Variants in PRKCD observed in about 807,000 individuals in gnomAD.
PRKCD encodes the protein protein kinase C delta type.
PRKCD carries 20 observed loss-of-function variants against 82.2 expected under a neutral mutation model. The observed-to-expected ratio is 0.24, with a 90% confidence interval of 0.17 to 0.35. The LOEUF (loss-of-function observed/expected upper bound fraction) is 0.35. Among genes scored for constraint, PRKCD ranks in the 10% least tolerant of loss-of-function variants. PRKCD has a pLI of 1.00. For missense variants in PRKCD, 607 were observed against 899.0 expected (o/e 0.68, Z 4.15); for synonymous variants, 317 against 337.0 (o/e 0.94, Z 0.65).
At chr3:53,178,340 GCTGCC>G in intron 2 of PRKCD, 59 bp from the exon 3 acceptor site, 1 of 1,079,684 alleles carries the variant, frequency 9.3e-7, no homozygotes, top group Non-Finnish European at 1.4e-6. Context: ...GTCCCTGAGT[GCTGCC>G]CGTGACTGTT....
chr3:53,184,178 C>CA (rs1427822612), intron 9 of PRKCD, among the ~76,000 whole-genome samples: 1 of 151,216 alleles, frequency 6.6e-6, no homozygotes, highest in African/African-American at 2.4e-5. Context: ...TAAAAAAATA[C>CA]AAAAAAATTA....
At chr3:53,165,877 G>A (rs112425593) in intron 2 of PRKCD, among the ~76,000 whole-genome samples, 2,018 of 152,264 alleles carry the variant, frequency 0.013, 66 homozygotes, top group South Asian at 0.11. Context: ...GTTTTGGGGC[G>A]AGCCTTGCCT....
At chr3:53,183,617 C>T (rs782280048) in intron 9 of PRKCD, 36 bp downstream of exon 9, 3 of 1,609,252 alleles carry the variant, frequency 1.9e-6, no homozygotes, top group Admixed American at 1.7e-5. Flanking sequence ...GCAGGAGGGG[C>T]ACTCCCAGCT....
intron 2 of PRKCD, among the ~76,000 whole-genome samples, chr3:53,176,229 T>A (rs1484026814): frequency 6.6e-6 from 1 of 152,138 alleles, no homozygotes; most frequent in African/African-American, 2.4e-5. Flanking sequence ...ACACCCACTC[T>A]CACATCCACT....
At chr3:53,183,235 G>A in intron 8 of PRKCD, 29 bp downstream of exon 8, 1 of 1,610,660 alleles carries the variant, frequency 6.2e-7, no homozygotes, top group Non-Finnish European at 8.5e-7. Context: ...CAGGGCTGGG[G>A]ATCTGGGGGG....
chr3:53,183,268 G>A (rs529304295), intron 8 of PRKCD, 62 bp downstream of exon 8: 10 of 1,586,934 alleles, frequency 6.3e-6, no homozygotes, highest in Middle Eastern at 3.3e-4. Context: ...GGAGGGATTT[G>A]CACCCTCTCC....
At chr3:53,171,657 G>A (rs949751442) in intron 2 of PRKCD, among the ~76,000 whole-genome samples, 18 of 152,374 alleles carry the variant, frequency 1.2e-4, no homozygotes, top group African/African-American at 4.1e-4. Flanking sequence ...CTGAGAGGTG[G>A]GAAGGGTCCC....
At chr3:53,186,422 C>A in intron 13 of PRKCD, 82 bp downstream of exon 13, 1 of 1,561,494 alleles carries the variant, frequency 6.4e-7, no homozygotes, top group South Asian at 1.2e-5. Context: ...AGGGCTGTGT[C>A]TCCCCTTCAG....
chr3:53,185,050 G>A, intron 10 of PRKCD, 76 bp downstream of exon 10: 4 of 1,328,226 alleles, frequency 3.0e-6, no homozygotes, highest in Non-Finnish European at 4.3e-6. Flanking sequence ...CCACTGCTGG[G>A]GAGCCACAGA....
intron 1 of PRKCD, among the ~76,000 whole-genome samples, chr3:53,163,273 T>C (rs1254617002): frequency 6.6e-6 from 1 of 151,264 alleles, no homozygotes; most frequent in Non-Finnish European, 1.5e-5. Context: ...GTGACTGTGA[T>C]TGTGGGGAAC....
At position 53,185,600 on chromosome 3, in the gene PRKCD, C is replaced by T. The variant is rs1553668799; in HGVS notation, c.889-4C>T. On this transcript the variant is annotated splice_region_variant and splice_polypyrimidine_tract_variant and intron_variant, in intron 10 of 18. Transcript: ENST00000330452. ...CTGGCCCCCCACCTCTGCTCCCTCCCCAGAGAGCCTCCCGGAGATCAGACT... is the reference window on the plus strand; with the variant it reads ...CTGGCCCCCCACCTCTGCTCCCTCCTCAGAGAGCCTCCCGGAGATCAGACT... 6.2e-7 allele frequency: 1 copy of T among 1,613,206 alleles called. No homozygotes were observed. The highest frequency in any genetic ancestry group is 1.1e-5 in the South Asian group (1 of 91,070).
intron 3 of PRKCD, among the ~76,000 whole-genome samples, chr3:53,179,108 C>T (rs1575533172): frequency 6.6e-6 from 1 of 152,210 alleles, no homozygotes; most frequent in African/African-American, 2.4e-5. Context: ...GACCCTTAGG[C>T]TTGACCCTGT....
At chr3:53,173,818 C>T (rs572274301) in intron 2 of PRKCD, among the ~76,000 whole-genome samples, 4 of 152,180 alleles carry the variant, frequency 2.6e-5, no homozygotes, top group South Asian at 2.1e-4. Context: ...GTCCAAGTGG[C>T]GAGGTCACGG....
At chr3:53,167,056 C>T (rs542253860) in intron 2 of PRKCD, among the ~76,000 whole-genome samples, 4 of 152,328 alleles carry the variant, frequency 2.6e-5, no homozygotes, top group Non-Finnish European at 4.4e-5. Flanking sequence ...GCTCTAGGGA[C>T]TGAGAGGTTG....
rs1313622174 is a variant in PRKCD, at chr3:53,169,032, G to A, written c.-20+3817G>A. On this transcript the variant is annotated intron_variant, in intron 2 of 18. Transcript: ENST00000330452. The surrounding 1 kb of genome is among the most constrained non-coding windows in gnomAD (Gnocchi z 4.7). The stretch of plus-strand genomic sequence containing the variant: ...AGAGCAGTCAGAAGACAGGTGCAGA[G>A]CCTGGGGATGGTGGTGGTGGGAGAA... Among the ~76,000 whole-genome samples, 15 of 152,150 alleles carry A rather than the reference G, an allele frequency of 9.9e-5. No homozygotes were observed. The highest frequency in any genetic ancestry group is 2.2e-4 in the Non-Finnish European group (15 of 68,028).
intron 9 of PRKCD, among the ~76,000 whole-genome samples, chr3:53,184,165 T>C (rs1703580458): frequency 1.3e-5 from 2 of 151,602 alleles, no homozygotes; most frequent in Non-Finnish European, 2.9e-5. Flanking sequence ...ACCCTGTCTC[T>C]ACTAAAAAAA....
chr3:53,181,654 C>T (rs782288878), intron 6 of PRKCD, 47 bp from the exon 7 acceptor site: 40 of 1,612,510 alleles, frequency 2.5e-5, no homozygotes, highest in Non-Finnish European at 2.8e-5. Context: ...TAGTGGGGGC[C>T]GATCCCGGTC....
chr3:53,181,967 A>T (rs1169379327), intron 7 of PRKCD: 3 of 706,188 alleles, frequency 4.2e-6, no homozygotes, highest in Non-Finnish European at 7.6e-6. Flanking sequence ...GAGTTGGTGG[A>T]TGGCAATTGG....
chr3:53,174,051 C>T (rs946769180), intron 2 of PRKCD, among the ~76,000 whole-genome samples: 16 of 152,248 alleles, frequency 1.1e-4, no homozygotes, highest in African/African-American at 3.9e-4. Context: ...CCATCACTTA[C>T]TGGCTGTGTG....
Sources: allele counts gnomAD v4.1 joint callset (sites outside exome capture counted in the v4.1 genomes callset), GRCh38; gene constraint gnomAD v4.1.1; non-coding constraint Gnocchi (gnomAD v3.1); transcripts MANE v1.5; gene names NCBI Gene and HGNC (gene_info 2026-07-23, HGNC 2026-07-21).